Variants in ST6GALNAC5 observed in about 807,000 individuals in gnomAD.
ST6GALNAC5 encodes alpha-N-acetylgalactosaminide alpha-2,6-sialyltransferase 5.
A neutral mutation model predicts 33.6 loss-of-function variants in ST6GALNAC5; 27 were observed. The observed-to-expected ratio is 0.80, with a 90% CI of 0.59 to 1.11. ST6GALNAC5 has a LOEUF of 1.11. Among genes scored for constraint, ST6GALNAC5 ranks in the 50% least tolerant of loss-of-function variants. The probability of loss-of-function intolerance (pLI) is 0.00; values close to 1 mark genes in which losing one functional copy is unlikely to be tolerated. For missense variants in ST6GALNAC5, 428 were observed against 454.0 expected (o/e 0.94, Z 0.52); for synonymous variants, 194 against 171.2 (o/e 1.13, Z -1.04).
chr1:76,868,624 A>C lies in ST6GALNAC5; in HGVS notation c.143A>C (p.Gln48Pro), dbSNP rs1477411884. Reference protein sequence around the residue: ...QQQQQQQQQQQQASATGSSQP... With the variant: ...QQQQQQQQQQPQASATGSSQP... ...CAGCAGCAGCAGCAGCAACAGCAGC[A>C]GCAGGCGTCGGCCACCGGCAGCTCG... The change falls in exon 2 of 5, where the codon CAG (glutamine) becomes CCG (proline). Residue 48 changes from glutamine (Q) to proline (P), a missense_variant. By Grantham distance (76) the Gln-to-Pro change is moderately conservative. Transcript: ENST00000477717. The surrounding 1 kb of genome is among the most constrained non-coding windows in gnomAD (Gnocchi z 4.3). 1 of 1,610,834 alleles carries C rather than the reference A, an allele frequency of 6.2e-7. No homozygotes were observed. The highest frequency in any genetic ancestry group is 8.5e-7 in the Non-Finnish European group (1 of 1,178,830).
At chr1:76,896,010 G>A (rs34654786) in intron 2 of ST6GALNAC5, among the ~76,000 whole-genome samples, 56,133 of 152,022 alleles carry the variant, frequency 0.37, 11,067 homozygotes, top group Non-Finnish European at 0.44. Flanking sequence ...CCTTTAGTCC[G>A]TTCTACTTTT....
intron 2 of ST6GALNAC5, among the ~76,000 whole-genome samples, chr1:76,992,247 G>C (rs6669868): frequency 0.81 from 123,221 of 151,692 alleles, 50,507 homozygotes; most frequent in East Asian, 0.93. Context: ...TTAGCTCTAT[G>C]CTCTAACTAT....
At chr1:76,875,146 G>A (rs939380000) in intron 2 of ST6GALNAC5, among the ~76,000 whole-genome samples, 9 of 152,166 alleles carry the variant, frequency 5.9e-5, no homozygotes, top group African/African-American at 1.4e-4. Flanking sequence ...TACAGTCCTC[G>A]TTTCTGCAGC....
rs555293604 is a variant in ST6GALNAC5 at position 76,895,217 on chromosome 1, G to C, written c.261+26475G>C. Among the ~76,000 whole-genome samples the C allele has an allele frequency of 7.9e-5, 12 of 152,236 alleles. No individual in the cohort carries two copies. The South Asian group carries it at 1.9e-3, about 24-fold the overall frequency. On this transcript the variant is annotated intron_variant, in intron 2 of 4. Transcript: ENST00000477717. Reference sequence around the variant, plus strand: ...TGGCTTAGCTTGGGCTCAGAGGCCTGACATTCCTGTCTTCTTATATTAATA... The same window carrying C: ...TGGCTTAGCTTGGGCTCAGAGGCCTCACATTCCTGTCTTCTTATATTAATA...
chr1:76,992,219 T>A (rs2100397246), intron 2 of ST6GALNAC5, among the ~76,000 whole-genome samples: 1 of 152,292 alleles, frequency 6.6e-6, no homozygotes, highest in Admixed American at 6.5e-5. Flanking sequence ...ATTTCTTGAA[T>A]GAGTAACTCT....
At chr1:76,902,988 C>T (rs369498633) in intron 2 of ST6GALNAC5, among the ~76,000 whole-genome samples, 20 of 152,004 alleles carry the variant, frequency 1.3e-4, no homozygotes, top group African/African-American at 4.1e-4. Context: ...GATTTGCCAA[C>T]GAATTCTTAG....
rs1380631900 is a variant in ST6GALNAC5, at chr1:77,000,345, T to C, written c.262-43859T>C. Among the ~76,000 whole-genome samples, 6 of 127,482 alleles carry C rather than the reference T, an allele frequency of 4.7e-5. 1 individual carries two copies. Among genetic ancestry groups the C allele is most frequent in the African/African-American group, 1.5e-4 (6 of 39,984 alleles). 83.6% of individuals were successfully genotyped at this position (127,482 alleles called of 152,430 possible). On this transcript the variant is annotated intron_variant, in intron 2 of 4. Coordinates refer to ENST00000477717, the MANE Select transcript of ST6GALNAC5 (RefSeq NM_030965.3). ...CCACTTTTCGATGGGGTTGTTTATT[T>C]TTTTCTTGTAAATTTGTTTGAGTTC...
chr1:77,046,347 C>T (rs544557190), intron 3 of ST6GALNAC5, among the ~76,000 whole-genome samples: 1 of 152,322 alleles, frequency 6.6e-6, no homozygotes, highest in South Asian at 2.1e-4. Flanking sequence ...AGAGAATAGT[C>T]TCAAAGAAAG....
chr1:76,874,181 G>A (rs1259962686), intron 2 of ST6GALNAC5, among the ~76,000 whole-genome samples: 1 of 152,138 alleles, frequency 6.6e-6, no homozygotes, highest in Non-Finnish European at 1.5e-5. Context: ...CTTCATGCAT[G>A]TGTGCAGGGT....
intron 4 of ST6GALNAC5, chr1:77,060,127 A>T (rs1652528412): frequency 2.6e-5 from 4 of 152,230 alleles, no homozygotes; most frequent in African/African-American, 9.6e-5. Flanking sequence ...TTCTTCCTCA[A>T]ATCATTCTGC....
intron 3 of ST6GALNAC5, 41 bp from the exon 4 acceptor site, chr1:77,050,217 T>C (rs777206376): frequency 1.3e-6 from 2 of 1,563,298 alleles, no homozygotes; most frequent in Non-Finnish European, 1.8e-6. Context: ...GGTATAATGG[T>C]TACTTTACCA....
At chr1:76,978,029 AG>A (rs1649089687) in intron 2 of ST6GALNAC5, among the ~76,000 whole-genome samples, 1 of 152,084 alleles carries the variant, frequency 6.6e-6, no homozygotes, top group African/African-American at 2.4e-5. Context: ...GACTAGGGTG[AG>A]GTAATAGCTC....
At chr1:77,018,159 A>T (rs916471956) in intron 2 of ST6GALNAC5, among the ~76,000 whole-genome samples, 1 of 152,212 alleles carries the variant, frequency 6.6e-6, no homozygotes, top group Non-Finnish European at 1.5e-5. Flanking sequence ...AAAATAAAGA[A>T]AAAAGAAAGC....
At chr1:77,052,327 T>A (rs926695150) in intron 4 of ST6GALNAC5, among the ~76,000 whole-genome samples, 14 of 152,208 alleles carry the variant, frequency 9.2e-5, no homozygotes, top group African/African-American at 3.4e-4. Context: ...AGATGGATTC[T>A]ACAGTTCTAT....
rs1292655385 is a variant in ST6GALNAC5 at position 76,868,935 on chromosome 1, T to C, written c.261+193T>C. ...TCTTATTTGGAGAAAGACACAAAGT[T>C]TTGTAGAAAATAGGGGTGAGGTGCG... On this transcript the variant is annotated intron_variant, in intron 2 of 4. Coordinates refer to ENST00000477717, the MANE Select transcript of ST6GALNAC5 (RefSeq NM_030965.3). The surrounding 1 kb of genome is among the most constrained non-coding windows in gnomAD (Gnocchi z 4.3). 1 of 1,003,054 alleles carries C rather than the reference T, an allele frequency of 1.0e-6. No homozygotes were observed. Among genetic ancestry groups the C allele is most frequent in the Non-Finnish European group, 1.4e-6 (1 of 730,206 alleles). The allele number at this position is 1,003,054 out of a possible 1,614,324, so 62.1% of individuals were successfully genotyped here.
At chr1:76,917,405 T>C (rs1646986622) in intron 2 of ST6GALNAC5, among the ~76,000 whole-genome samples, 1 of 152,140 alleles carries the variant, frequency 6.6e-6, no homozygotes, top group Non-Finnish European at 1.5e-5. Flanking sequence ...CAAAATGTTC[T>C]CCATTCATAA....
intron 2 of ST6GALNAC5, among the ~76,000 whole-genome samples, chr1:77,043,164 A>C (rs1297834211): frequency 6.6e-6 from 1 of 152,248 alleles, no homozygotes; most frequent in African/African-American, 2.4e-5. Flanking sequence ...GAAAAAATCT[A>C]ACAATGCAAC....
intron 2 of ST6GALNAC5, among the ~76,000 whole-genome samples, chr1:76,979,632 G>A (rs1269499228): frequency 6.6e-6 from 1 of 152,130 alleles, no homozygotes; most frequent in Non-Finnish European, 1.5e-5. Flanking sequence ...CTCAAATTAA[G>A]ACTGTAATGT....
At chr1:77,057,398 G>A (rs184051154) in intron 4 of ST6GALNAC5, among the ~76,000 whole-genome samples, 5 of 152,278 alleles carry the variant, frequency 3.3e-5, no homozygotes, top group Non-Finnish European at 5.9e-5. Context: ...TAAATTTTAC[G>A]TGACACCAGA....
Sources: gnomAD v4.1 joint callset for allele counts (sites outside exome capture counted in the v4.1 genomes callset) on GRCh38, gnomAD v4.1.1 for gene constraint, Gnocchi (gnomAD v3.1) non-coding constraint, MANE v1.5 for transcripts, NCBI Gene and HGNC (gene_info 2026-07-23, HGNC 2026-07-21) for gene names.